Variants in EYS observed in about 807,000 individuals in gnomAD.
EYS encodes the protein EGF-like photoreceptor maintenance factor, also known as protein eyes shut homolog.
Under a neutral mutation model 282.1 loss-of-function variants are expected in EYS, and 250 were observed. The observed-to-expected ratio is 0.89, with a 90% confidence interval of 0.80 to 0.98. EYS has a LOEUF of 0.98. Among genes scored for constraint, EYS ranks in the 50% least tolerant of loss-of-function variants. EYS has a pLI of 0.00. For synonymous variants in EYS, 1,355 were observed against 1,282.9 expected, an observed-to-expected ratio of 1.06 and a Z score of -1.20; for missense variants, 4,016 against 3,709.0, an observed-to-expected ratio of 1.08 and a Z score of -2.15.
chr6:63,969,861 G>C (rs1184833048), intron 35 of EYS, among the ~76,000 whole-genome samples: 2 of 152,308 alleles, frequency 1.3e-5, no homozygotes, highest in East Asian at 3.9e-4. Context: ...CTTGCAAGCT[G>C]TTACCACGTT....
intron 2 of EYS, among the ~76,000 whole-genome samples, chr6:65,592,452 T>C (rs1765263105): frequency 6.6e-6 from 1 of 152,004 alleles, no homozygotes; most frequent in Admixed American, 6.6e-5. Context: ...TTGCATTTTA[T>C]TTACTTGAAA....
intron 22 of EYS, among the ~76,000 whole-genome samples, chr6:64,736,790 G>A (rs1330596680): frequency 2.0e-5 from 3 of 152,102 alleles, no homozygotes; most frequent in Non-Finnish European, 4.4e-5. Flanking sequence ...ATACACGAGT[G>A]AGCAAAATCA....
chr6:65,177,761 G>C (rs529717822), intron 12 of EYS, among the ~76,000 whole-genome samples: 1 of 151,190 alleles, frequency 6.6e-6, no homozygotes. Flanking sequence ...GTCTTTTTTT[G>C]TTAATGATAT....
rs78009628 is a variant in EYS, at chr6:65,366,856, G to A, written c.1300-13239C>T. Among the ~76,000 whole-genome samples the A allele has an allele frequency of 1.4e-4, 21 of 151,398 alleles. No homozygotes were observed. In the East Asian group the frequency reaches 1.6e-3, roughly 11 times the overall value. ...ATTGGTAGCCTATATTATTTGGCTT[G>A]TACCTTCCTTCCTTCAGCTTTAAAA... On this transcript the variant is annotated intron_variant, in intron 8 of 42. Transcript: ENST00000503581.
chr6:64,826,378 G>T (rs1765056537), intron 19 of EYS, among the ~76,000 whole-genome samples: 1 of 151,744 alleles, frequency 6.6e-6, no homozygotes, highest in African/African-American at 2.4e-5. Flanking sequence ...TTCAGCTTGT[G>T]GTTCTAAAGT....
chr6:64,175,338 A>G (rs1764594560), intron 31 of EYS, among the ~76,000 whole-genome samples: 1 of 152,142 alleles, frequency 6.6e-6, no homozygotes, highest in East Asian at 1.9e-4. Flanking sequence ...GTGTGCTTCT[A>G]TCCCTTTCAG....
chr6:64,485,873 A>C (rs952322579), intron 26 of EYS, among the ~76,000 whole-genome samples: 1 of 151,506 alleles, frequency 6.6e-6, no homozygotes, highest in African/African-American at 2.4e-5. Flanking sequence ...CTATTCATTA[A>C]TTTATTAGTC....
At chr6:65,179,636 A>T (rs1364427414) in intron 12 of EYS, among the ~76,000 whole-genome samples, 1 of 152,124 alleles carries the variant, frequency 6.6e-6, no homozygotes. Context: ...TACAAGGAGG[A>T]GCTGTTACCA....
chr6:64,851,486 G>A, intron 19 of EYS, among the ~76,000 whole-genome samples: 1 of 151,998 alleles, frequency 6.6e-6, no homozygotes, highest in East Asian at 1.9e-4. Context: ...TAATACTTGG[G>A]ACTTATTGAT....
In EYS at chr6:63,742,659, A is replaced by C. The variant is rs572281146; in HGVS notation, c.8072-15979T>G. Among the ~76,000 whole-genome samples the C allele has an allele frequency of 3.3e-5, 5 of 152,276 alleles. No homozygotes were observed. The South Asian group carries it at 1.0e-3, about 32-fold the overall frequency. ...CTTTTTTCAGAACCAGTTCTCTTAG[A>C]TACTACCCCTACCCCACAATATAGG... On this transcript the variant is annotated intron_variant, in intron 41 of 42. Transcript: ENST00000503581.
At chr6:65,619,839 T>C (rs1418757526) in intron 2 of EYS, among the ~76,000 whole-genome samples, 3 of 150,790 alleles carry the variant, frequency 2.0e-5, no homozygotes, top group South Asian at 2.1e-4. Flanking sequence ...TGGTTCTGTT[T>C]ATATGCTGGA....
chr6:65,541,382 A>T (rs1439040142), intron 2 of EYS, among the ~76,000 whole-genome samples: 2 of 140,576 alleles, frequency 1.4e-5, no homozygotes, highest in Admixed American at 7.6e-5. Context: ...TTCATGAATC[A>T]ATATTTGGCC....
At chr6:64,603,861 CTGTGTG>C (rs34430318) in intron 24 of EYS, among the ~76,000 whole-genome samples, 42 of 148,288 alleles carry the variant, frequency 2.8e-4, no homozygotes, top group Middle Eastern at 3.5e-3. Flanking sequence ...AAATGAATAC[CTGTGTG>C]TGTGTGTGTG....
intron 1 of EYS, among the ~76,000 whole-genome samples, chr6:65,658,498 T>G (rs1448065450): frequency 1.3e-5 from 2 of 151,618 alleles, no homozygotes; most frequent in African/African-American, 4.8e-5. Context: ...TTTAAAAACT[T>G]AGATTAGTAA....
intron 24 of EYS, among the ~76,000 whole-genome samples, chr6:64,593,648 A>G (rs1026210294): frequency 6.6e-6 from 1 of 152,188 alleles, no homozygotes; most frequent in African/African-American, 2.4e-5. Flanking sequence ...AAGAAGTCAC[A>G]TTACAAATTA....
intron 11 of EYS, among the ~76,000 whole-genome samples, chr6:65,301,561 G>T (rs1454259212): frequency 6.6e-6 from 1 of 152,232 alleles, no homozygotes; most frequent in Non-Finnish European, 1.5e-5. Context: ...GGCAGCAAGC[G>T]GGAGTCGGGG....
chr6:65,598,366 C>T (rs1562279749), intron 2 of EYS, among the ~76,000 whole-genome samples: 1 of 151,602 alleles, frequency 6.6e-6, no homozygotes, highest in South Asian at 2.1e-4. Flanking sequence ...TAAGGGCACA[C>T]ACAGAGAGAA....
chr6:64,249,063 CAAAA>C (rs34663169), intron 30 of EYS, among the ~76,000 whole-genome samples: 1 of 70,060 alleles, frequency 1.4e-5, no homozygotes, highest in Admixed American at 1.6e-4. Flanking sequence ...CACCCTGTCT[CAAAA>C]AAAAAAAAAA....
intron 2 of EYS, among the ~76,000 whole-genome samples, chr6:65,597,836 C>A (rs2149788174): frequency 6.6e-6 from 1 of 152,202 alleles, no homozygotes; most frequent in South Asian, 2.1e-4. Flanking sequence ...CGCAGTGGCT[C>A]ACACCTGTAA....
Sources: gnomAD v4.1 joint callset for allele counts (sites outside exome capture counted in the v4.1 genomes callset) on GRCh38, gnomAD v4.1.1 for gene constraint, MANE v1.5 for transcripts, NCBI Gene and HGNC (gene_info 2026-07-23, HGNC 2026-07-21) for gene names.